The following LMO7 variants were observed in gnomAD, a reference collection of about 807,000 sequenced individuals.
The protein encoded by LMO7 is LIM domain 7.
LMO7 carries 120 observed loss-of-function variants against 206.5 expected under a neutral mutation model. The observed-to-expected ratio is 0.58, with a 90% CI of 0.50 to 0.68. The LOEUF (loss-of-function observed/expected upper bound fraction) is 0.68. Ranked by LOEUF, LMO7 falls within the 30% of genes least tolerant of loss-of-function variation. The pLI is 0.00. For synonymous variants in LMO7, 706 were observed against 681.5 expected, an observed-to-expected ratio of 1.04 and a Z score of -0.56; for missense variants, 1,959 against 1,957.9, an observed-to-expected ratio of 1.00 and a Z score of -0.01.
rs1321390873 is a variant in LMO7, at chr13:75,859,024, G to A, written c.*1081G>A. 1 of 152,140 alleles carries A rather than the reference G, an allele frequency of 6.6e-6. No individual in the cohort carries two copies. The highest frequency in any genetic ancestry group is 2.4e-5 in the African/African-American group (1 of 41,434). The allele number at this position is 152,140 out of a possible 1,614,324, so 9.4% of individuals were successfully genotyped here. A position where few individuals can be genotyped will look rare whatever the true frequency, so the allele number is the denominator to read the frequency against. ...TACTAACCCCATGATAAAAGGAGAA[G>A]ACAACAGTGAGCTTAGAATATCTAT... On this transcript the variant is annotated 3_prime_UTR_variant, in exon 31 of 31. Coordinates refer to ENST00000377534, the MANE Select transcript of LMO7 (RefSeq NM_001306080.2).
intron 3 of LMO7, chr13:75,760,706 T>C: frequency 2.0e-6 from 3 of 1,532,032 alleles, no homozygotes; most frequent in Non-Finnish European, 1.7e-6. Context: ...ACAGAAACAG[T>C]GTATGCCCGG....
chr13:75,682,142 A>G (rs2040589933), intron 1 of LMO7, among the ~76,000 whole-genome samples: 1 of 152,208 alleles, frequency 6.6e-6, no homozygotes, highest in Non-Finnish European at 1.5e-5. Flanking sequence ...CCTTGTCAGC[A>G]CTTGCTATTT....
At chr13:75,740,778 G>A (rs1449089329) in intron 3 of LMO7, among the ~76,000 whole-genome samples, 1 of 152,174 alleles carries the variant, frequency 6.6e-6, no homozygotes, top group Non-Finnish European at 1.5e-5. Context: ...TCAGATGGAT[G>A]TAAACAGCCT....
chr13:75,701,404 C>T (rs1479600686), intron 1 of LMO7, among the ~76,000 whole-genome samples: 2 of 152,154 alleles, frequency 1.3e-5, no homozygotes, highest in Non-Finnish European at 2.9e-5. Flanking sequence ...AGAGATGTAC[C>T]ATTTCCCAAA....
upstream of LMO7, among the ~76,000 whole-genome samples, chr13:75,634,001 T>G (rs2035394138): frequency 1.3e-5 from 2 of 151,242 alleles, no homozygotes; most frequent in African/African-American, 4.9e-5. Context: ...CAGCTAATTT[T>G]TTTTTTTTTT....
At position 75,674,066 on chromosome 13, in the gene LMO7, A is replaced by C. The variant is rs568028761; in HGVS notation, c.69+37340A>C. On this transcript the variant is annotated intron_variant, in intron 1 of 30. Coordinates refer to ENST00000377534, the MANE Select transcript of LMO7 (RefSeq NM_001306080.2). ...TTTTCAGAAATAAAAACTTTCTCTC[A>C]AAGTGGTGTATTCATTATCAAGTCA... 4.6e-5 allele frequency among the ~76,000 whole-genome samples: 7 copies of C among 152,330 alleles called. No individual in the cohort carries two copies. In the South Asian group the frequency reaches 1.5e-3, roughly 32 times the overall value.
chr13:75,845,403 A>T, intron 26 of LMO7, 24 bp downstream of exon 26: 1 of 1,467,652 alleles, frequency 6.8e-7, no homozygotes, highest in South Asian at 1.2e-5. Flanking sequence ...TTTCCCCCAA[A>T]CTCCTTCAGA....
At chr13:75,626,887 A>T (rs192943518) in intron 2 of LMO7, 1 of 152,122 alleles carries the variant, frequency 6.6e-6, no homozygotes, top group African/African-American at 2.4e-5. Context: ...CACTCAGCCA[A>T]TATATTTTTA....
intron 2 of LMO7, among the ~76,000 whole-genome samples, chr13:75,625,030 C>T (rs2033845720): frequency 6.6e-6 from 1 of 152,166 alleles, no homozygotes; most frequent in Admixed American, 6.5e-5. Flanking sequence ...GGTTTCTCAG[C>T]CAGTAGGAAG....
At chr13:75,697,689 A>G (rs1003048630) in intron 1 of LMO7, among the ~76,000 whole-genome samples, 1 of 152,252 alleles carries the variant, frequency 6.6e-6, no homozygotes, top group East Asian at 1.9e-4. Flanking sequence ...ATTTCTCAAT[A>G]TACCAGAAAG....
intron 2 of LMO7, among the ~76,000 whole-genome samples, chr13:75,626,595 A>ATATATATATATATATATTTTTTTTTTTTT: frequency 2.8e-5 from 2 of 71,176 alleles, no homozygotes; most frequent in Non-Finnish European, 3.6e-5. Flanking sequence ...ATATATATAA[A>ATATATATATATATATATTTTTTTTTTTTT]TTTTTTTGAG....
chr13:75,819,438 C>G lies in LMO7; in HGVS notation c.2110C>G (p.Leu704Val), dbSNP rs1489868796. 6.2e-6 allele frequency: 10 copies of G among 1,612,616 alleles called. No individual in the cohort carries two copies. Among genetic ancestry groups the G allele is most frequent in the Non-Finnish European group, 8.5e-6 (10 of 1,179,596 alleles). Residue 704 changes from leucine (L) to valine (V), a missense_variant, in exon 13 of 31, where the codon CTG becomes GTG. Transcript: ENST00000377534. ...KDRRKSYTSD[L>V]QKKKEEREEI... The stretch of plus-strand genomic sequence containing the variant: ...TCGTCGAAAAAGTTACACTTCAGAT[C>G]TGCAGAAGAAAAAAGAAGAGAGAGA...
intron 1 of LMO7, among the ~76,000 whole-genome samples, chr13:75,687,450 G>C (rs1410041159): frequency 6.6e-6 from 1 of 152,052 alleles, no homozygotes; most frequent in Admixed American, 6.6e-5. Flanking sequence ...AGACTGAAGG[G>C]AGCTTTGTAC....
intron 4 of LMO7, among the ~76,000 whole-genome samples, chr13:75,766,237 C>CTTT (rs10604656): frequency 2.0e-4 from 25 of 126,064 alleles, no homozygotes; most frequent in Admixed American, 4.8e-4. Context: ...TTCCCTCAGT[C>CTTT]TTTTTTTTTT....
chr13:75,797,094 T>C (rs1260870344), intron 6 of LMO7, among the ~76,000 whole-genome samples: 1 of 152,218 alleles, frequency 6.6e-6, no homozygotes, highest in East Asian at 1.9e-4. Context: ...ACTCAACCTG[T>C]AGTAGAGAGG....
intron 3 of LMO7, among the ~76,000 whole-genome samples, chr13:75,730,416 A>G (rs184673751): frequency 1.3e-5 from 2 of 151,798 alleles, no homozygotes. Context: ...TTATTTGCGT[A>G]GAGGGTTTTG....
chr13:75,768,519 C>A (rs949284102), intron 4 of LMO7, among the ~76,000 whole-genome samples: 5 of 152,032 alleles, frequency 3.3e-5, no homozygotes, highest in African/African-American at 1.2e-4. Flanking sequence ...TTTCTAAAAT[C>A]TTTGAAATTT....
At chr13:75,779,372 T>G (rs1364017923) in intron 4 of LMO7, among the ~76,000 whole-genome samples, 1 of 152,108 alleles carries the variant, frequency 6.6e-6, no homozygotes, top group East Asian at 1.9e-4. Context: ...TCATTAGTTT[T>G]GGGAAGGTTT....
chr13:75,778,634 C>T (rs1446484585), intron 4 of LMO7, among the ~76,000 whole-genome samples: 14 of 152,218 alleles, frequency 9.2e-5, no homozygotes, highest in Admixed American at 8.5e-4. Context: ...GCAGTCGTTC[C>T]AGGCGTTTCA....
Sources: allele counts gnomAD v4.1 joint callset (sites outside exome capture counted in the v4.1 genomes callset), GRCh38; gene constraint gnomAD v4.1.1; transcripts MANE v1.5; gene names NCBI Gene and HGNC (gene_info 2026-07-23, HGNC 2026-07-21).